Variants in PHF21A observed in about 807,000 individuals in gnomAD.
The protein encoded by PHF21A is BHC80a.
In PHF21A, 11 loss-of-function variants were observed where a neutral mutation model predicts 82.5. The ratio of observed to expected loss-of-function variants is 0.13; its 90% confidence interval spans 0.08 to 0.22. The LOEUF is 0.22. Among genes scored for constraint, PHF21A ranks in the 10% least tolerant of loss-of-function variants. The pLI, the probability that PHF21A is intolerant of heterozygous loss-of-function variation, is 1.00. For synonymous variants in PHF21A, 297 were observed against 302.8 expected (o/e 0.98, Z 0.20); for missense variants, 579 against 837.8 (o/e 0.69, Z 3.81).
At chr11:46,004,110 C>T (rs981830087) in intron 6 of PHF21A, among the ~76,000 whole-genome samples, 40 of 152,074 alleles carry the variant, frequency 2.6e-4, no homozygotes, top group African/African-American at 8.9e-4. Context: ...AAAAGATATA[C>T]CAATGAATAA....
chr11:46,113,701 C>T (rs943882541), intron 1 of PHF21A, among the ~76,000 whole-genome samples: 1 of 151,958 alleles, frequency 6.6e-6, no homozygotes, highest in African/African-American at 2.4e-5. Flanking sequence ...TGGCGCACGC[C>T]TGTAGTCCCA....
At chr11:45,938,056 G>C in intron 16 of PHF21A, 101 bp downstream of exon 16, 1 of 1,020,596 alleles carries the variant, frequency 9.8e-7, no homozygotes, top group South Asian at 1.8e-5. Context: ...AGACGGACTG[G>C]GAGAGAGAAG....
At chr11:46,034,183 T>C (rs2095932898) in intron 6 of PHF21A, among the ~76,000 whole-genome samples, 1 of 152,174 alleles carries the variant, frequency 6.6e-6, no homozygotes, top group South Asian at 2.1e-4. Context: ...ACTAGTATTT[T>C]TACTTCTGCT....
rs116435225 is a variant in PHF21A at position 46,002,774 on chromosome 11, C to A, written c.154-22808G>T. On this transcript the variant is annotated intron_variant, in intron 6 of 18. Coordinates refer to ENST00000676320, the MANE Select transcript of PHF21A (RefSeq NM_001352027.3). ...TTAGAGGCACCCCCTCAAACCCCTC[C>A]ACAGAACTAGTTTTATCTTTATTCA... Among the ~76,000 whole-genome samples, 1,483 of 152,156 alleles carry A rather than the reference C, an allele frequency of 9.7e-3. 19 individuals carry two copies. The highest frequency in any genetic ancestry group is 0.032 in the African/African-American group (1,308 of 41,514).
intron 3 of PHF21A, among the ~76,000 whole-genome samples, chr11:46,088,309 C>A (rs1284848872): frequency 1.3e-5 from 2 of 152,182 alleles, no homozygotes; most frequent in East Asian, 3.8e-4. Flanking sequence ...AAGTCACTAT[C>A]AGCAAGGCCA....
At chr11:46,019,431 T>C (rs2095586389) in intron 6 of PHF21A, among the ~76,000 whole-genome samples, 1 of 152,062 alleles carries the variant, frequency 6.6e-6, no homozygotes, top group Non-Finnish European at 1.5e-5. Flanking sequence ...ATAAACTAAG[T>C]GGGAATGAAC....
At chr11:46,105,694 A>C (rs2097145545) in intron 1 of PHF21A, among the ~76,000 whole-genome samples, 1 of 152,228 alleles carries the variant, frequency 6.6e-6, no homozygotes, top group Non-Finnish European at 1.5e-5. Flanking sequence ...CTACAAATTT[A>C]AATGAGAAAA....
At chr11:46,089,116 T>TTTC (rs1308141800) in intron 3 of PHF21A, among the ~76,000 whole-genome samples, 2 of 152,180 alleles carry the variant, frequency 1.3e-5, no homozygotes, top group African/African-American at 4.8e-5. Flanking sequence ...GGTGTGAAAC[T>TTTC]CCTCTGCTTT....
intron 10 of PHF21A, among the ~76,000 whole-genome samples, chr11:45,959,721 C>T (rs2092956987): frequency 6.6e-6 from 1 of 152,234 alleles, no homozygotes; most frequent in Non-Finnish European, 1.5e-5. Flanking sequence ...CAAAAATCAG[C>T]TGTGTATCAA....
intron 15 of PHF21A, among the ~76,000 whole-genome samples, chr11:45,942,117 GA>G (rs1243092557): frequency 6.6e-6 from 1 of 152,200 alleles, no homozygotes; most frequent in Non-Finnish European, 1.5e-5. Context: ...ACTGTAAAAG[GA>G]GAAGTCAATT....
At chr11:46,032,536 G>C (rs1285756613) in intron 6 of PHF21A, among the ~76,000 whole-genome samples, 1 of 151,956 alleles carries the variant, frequency 6.6e-6, no homozygotes. Flanking sequence ...CCTTATAAAT[G>C]TATCTTTATT....
At chr11:46,097,370 T>A (rs1179607301) in intron 1 of PHF21A, among the ~76,000 whole-genome samples, 1 of 152,020 alleles carries the variant, frequency 6.6e-6, no homozygotes, top group African/African-American at 2.4e-5. Context: ...TATCGCTCAA[T>A]CCTTTCCAGC....
intron 6 of PHF21A, among the ~76,000 whole-genome samples, chr11:46,057,995 T>C (rs1565775879): frequency 6.6e-6 from 1 of 152,192 alleles, no homozygotes; most frequent in Non-Finnish European, 1.5e-5. Context: ...GTTTTCCTAC[T>C]TTGCAAACGT....
At chr11:46,056,162 T>C (rs546035312) in intron 6 of PHF21A, among the ~76,000 whole-genome samples, 2 of 152,290 alleles carry the variant, frequency 1.3e-5, no homozygotes, top group African/African-American at 4.8e-5. Context: ...GTTTTGAATT[T>C]CATCTTATAA....
At chr11:46,110,367 G>C (rs1375742920) in intron 1 of PHF21A, among the ~76,000 whole-genome samples, 1 of 152,008 alleles carries the variant, frequency 6.6e-6, no homozygotes, top group East Asian at 1.9e-4. Flanking sequence ...ACTGGCCTGG[G>C]GCATTTCATT....
At position 45,930,282 on chromosome 11, in the gene PHF21A, A is replaced by G. The variant is rs1001180744; in HGVS notation, c.*3686T>C. On this transcript the variant is annotated 3_prime_UTR_variant, in exon 19 of 19. Transcript: ENST00000676320. ...TGCAGACACGGTCACCCTCACGGAA[A>G]CAGCTGTGTGTAACCACCTCCATGC... 6.6e-5 allele frequency: 10 copies of G among 152,290 alleles called. No homozygotes were observed. Among genetic ancestry groups the G allele is most frequent in the African/African-American group, 2.2e-4 (9 of 41,474 alleles). The allele number at this position is 152,290 out of a possible 1,614,324, so 9.4% of individuals were successfully genotyped here.
chr11:46,014,428 T>TTGATGGACA (rs1331483591), intron 6 of PHF21A, among the ~76,000 whole-genome samples: 3 of 152,198 alleles, frequency 2.0e-5, no homozygotes, highest in Non-Finnish European at 2.9e-5. Flanking sequence ...GACACCTAGG[T>TTGATGGACA]TGATTCCATG....
At chr11:45,979,681 A>G (rs2094196200) in intron 7 of PHF21A, 79 bp downstream of exon 7, 1 of 1,602,152 alleles carries the variant, frequency 6.2e-7, no homozygotes, top group Non-Finnish European at 8.5e-7. Flanking sequence ...GTATAGTGTG[A>G]GACAGGACCC....
At chr11:45,987,481 G>A (rs2094533453) in intron 6 of PHF21A, among the ~76,000 whole-genome samples, 1 of 151,398 alleles carries the variant, frequency 6.6e-6, no homozygotes, top group South Asian at 2.1e-4. Context: ...CAAATATGGT[G>A]AAACTCCGTC....
Sources: allele counts gnomAD v4.1 joint callset (sites outside exome capture counted in the v4.1 genomes callset), GRCh38; gene constraint gnomAD v4.1.1; transcripts MANE v1.5; gene names NCBI Gene and HGNC (gene_info 2026-07-23, HGNC 2026-07-21).